The following MYPN variants were observed in gnomAD, a reference collection of about 807,000 sequenced individuals.
MYPN encodes the protein sarcomeric protein myopalladin, 145 kDa (MYOP).
A neutral mutation model predicts 129.4 loss-of-function variants in MYPN; 63 were observed. That is an observed-to-expected ratio of 0.49 (90% CI 0.40 to 0.60). The LOEUF (loss-of-function observed/expected upper bound fraction) is 0.60, where lower values mean the gene tolerates loss of function less well. Ranked by LOEUF, MYPN falls within the 20% of genes least tolerant of loss-of-function variation. The pLI is 0.00. For missense variants in MYPN, 1,596 were observed against 1,635.4 expected, an observed-to-expected ratio of 0.98 and a Z score of 0.42; for synonymous variants, 629 against 600.9, an observed-to-expected ratio of 1.05 and a Z score of -0.68.
intron 8 of MYPN, among the ~76,000 whole-genome samples, chr10:68,163,402 G>A (rs7922966): frequency 0.4 from 61,220 of 151,870 alleles, 14,168 homozygotes; most frequent in Non-Finnish European, 0.52. Flanking sequence ...CGAGGCGGGT[G>A]GATCATGAGG....
intron 8 of MYPN, chr10:68,165,469 C>T: frequency 1.7e-6 from 1 of 598,884 alleles, no homozygotes; most frequent in Non-Finnish European, 3.1e-6. Context: ...AAAAAAATCC[C>T]CTTGTCAGTA....
intron 1 of MYPN, among the ~76,000 whole-genome samples, chr10:68,089,897 G>T (rs994895977): frequency 6.6e-6 from 1 of 152,010 alleles, no homozygotes; most frequent in African/African-American, 2.4e-5. Flanking sequence ...TGATAATCTT[G>T]GATATGATCT....
Position 68,206,797 on chromosome 10 carries a change from C to T in MYPN, c.3687C>T (p.Ala1229=), listed in dbSNP as rs2043823035. 3 of 1,614,190 alleles carry T rather than the reference C, an allele frequency of 1.9e-6. No homozygotes were observed. Among genetic ancestry groups the T allele is most frequent in the Middle Eastern group, 1.6e-4 (1 of 6,062 alleles). The change falls in exon 19 of 20, where the codon GCC becomes GCT. Residue 1229 remains alanine (A), a synonymous_variant. Coordinates refer to ENST00000358913, the MANE Select transcript of MYPN (RefSeq NM_032578.4). ...ISMHQDTTGY[A]CLLIQPAKKS... ...TGCACCAGGACACAACAGGGTATGC[C>T]TGCCTTCTCATTCAGCCAGCCAAGA...
Position 68,206,902 on chromosome 10 carries a change from C to T in MYPN, c.3792C>T (p.Tyr1264=), listed in dbSNP as rs142307556. ...CGTGCACTGCCAGGCTGGATATATA[C>T]GGTAAGTGTAATGCTGTTAGTTGAA... is the stretch of plus-strand genomic sequence containing the variant. ...IVSCTARLDI[Y]AQWHHQIPPP... is the part of the protein sequence containing the mutation. Residue 1264 remains tyrosine, a splice_region_variant and synonymous_variant, in exon 19 of 20, where the codon TAC becomes TAT. Coordinates refer to ENST00000358913, the MANE Select transcript of MYPN (RefSeq NM_032578.4). The T allele has an allele frequency of 2.6e-4, 419 of 1,614,042 alleles. 2 individuals carry two copies. In the African/African-American group the frequency reaches 3.5e-3, roughly 13 times the overall value.
At chr10:68,151,847 A>G (rs1468866802) in intron 6 of MYPN, among the ~76,000 whole-genome samples, 1 of 152,212 alleles carries the variant, frequency 6.6e-6, no homozygotes, top group Non-Finnish European at 1.5e-5. Flanking sequence ...GTCTAGGAAA[A>G]GAGTCCAACT....
intron 2 of MYPN, among the ~76,000 whole-genome samples, chr10:68,131,364 G>A (rs1208716545): frequency 6.6e-6 from 1 of 151,514 alleles, no homozygotes; most frequent in Non-Finnish European, 1.5e-5. Context: ...ACTCCAGCCT[G>A]GGCAACAGAT....
Position 68,201,818 on chromosome 10 carries a change from C to T in MYPN, c.3494-11C>T. 1 of 1,613,200 alleles carries T rather than the reference C, an allele frequency of 6.2e-7. No individual in the cohort carries two copies. Among genetic ancestry groups the T allele is most frequent in the Non-Finnish European group, 8.5e-7 (1 of 1,179,470 alleles). On this transcript the variant is annotated splice_polypyrimidine_tract_variant and intron_variant, in intron 17 of 19. Transcript: ENST00000358913. ...AAGAAAGAAAAAAAGAATGACCCTT[C>T]TCTTGCTCAGCCAAAGAGGTGAAGA... is the stretch of plus-strand genomic sequence containing the variant.
At chr10:68,121,006 C>G in intron 1 of MYPN, among the ~76,000 whole-genome samples, 1 of 152,124 alleles carries the variant, frequency 6.6e-6, no homozygotes. Flanking sequence ...GGGGAGGGCA[C>G]AGTGGCTCAC....
At chr10:68,185,154 GA>G in intron 12 of MYPN, among the ~76,000 whole-genome samples, 1 of 141,198 alleles carries the variant, frequency 7.1e-6, no homozygotes, top group African/African-American at 2.5e-5. Flanking sequence ...AGGAGGGAGG[GA>G]GGGAGGGAAG....
rs540451556 is a variant in MYPN at position 68,193,628 on chromosome 10, C to CA, written c.2926-735_2926-734insA. ...ACCCAGCATGTTTGTGGCAGAGGAT[C>CA]TCTCTGCTCTACTTTCATAAACATT... On this transcript the variant is annotated intron_variant, in intron 13 of 19. Transcript: ENST00000358913. Among the ~76,000 whole-genome samples the CA allele has an allele frequency of 8.7e-4, 132 of 152,264 alleles. 1 individual carries two copies. The highest frequency in any genetic ancestry group is 2.8e-3 in the African/African-American group (116 of 41,546).
In MYPN at chr10:68,166,493, C is replaced by T. The variant is rs1164351919; in HGVS notation, c.1800C>T (p.Phe600=). Residue 600 remains phenylalanine (F), a synonymous_variant, in exon 10 of 20, where the codon TTC becomes TTT. Coordinates refer to ENST00000358913, the MANE Select transcript of MYPN (RefSeq NM_032578.4). ...CCAGGATTGGGCTTCGTGTGCACTT[C>T]AACCTGCCTGAAGATGACAAAGGAA... ...SSSRIGLRVH[F]NLPEDDKGSE... is the part of the protein sequence containing the mutation. The T allele has an allele frequency of 6.2e-7, 1 of 1,614,160 alleles. No individual in the cohort carries two copies.
chr10:68,158,652 T>C, intron 7 of MYPN, 25 bp downstream of exon 7: 1 of 1,504,186 alleles, frequency 6.6e-7, no homozygotes, highest in African/African-American at 1.4e-5. Flanking sequence ...TAAATTATTT[T>C]CTGATATTTT....
intron 6 of MYPN, among the ~76,000 whole-genome samples, chr10:68,153,995 A>T (rs948570517): frequency 6.6e-6 from 1 of 152,224 alleles, no homozygotes; most frequent in African/African-American, 2.4e-5. Context: ...GTGACAGCGA[A>T]GTACTTATCT....
chr10:68,181,905 C>T (rs553501450), intron 12 of MYPN, among the ~76,000 whole-genome samples: 9 of 151,994 alleles, frequency 5.9e-5, no homozygotes, highest in South Asian at 2.1e-4. Flanking sequence ...TAATCTCCCT[C>T]GCTAAACTTG....
chr10:68,115,626 T>C (rs1373776442), intron 1 of MYPN, among the ~76,000 whole-genome samples: 1 of 152,230 alleles, frequency 6.6e-6, no homozygotes, highest in Non-Finnish European at 1.5e-5. Flanking sequence ...TCCTTCAGTT[T>C]GATTCTTTGC....
At position 68,210,312 on chromosome 10, in the gene MYPN, C is replaced by A; in HGVS notation, c.3820C>A (p.Pro1274Thr). ...YAQWHHQIPPPMSVRPSGSRY... is the reference protein window; with the variant it reads ...YAQWHHQIPPTMSVRPSGSRY... ...TCAGTGGCACCATCAGATCCCACCG[C>A]CCATGTCTGTCCGGCCCAGTGGCAG... Residue 1274 changes from proline (P) to threonine (T), a missense_variant, in exon 20 of 20, where the codon CCC becomes ACC. By Grantham distance (38) the Pro-to-Thr change is conservative. Coordinates refer to ENST00000358913, the MANE Select transcript of MYPN (RefSeq NM_032578.4). 2 of 1,613,844 alleles carry A rather than the reference C, an allele frequency of 1.2e-6. No homozygotes were observed. The highest frequency in any genetic ancestry group is 1.7e-6 in the Non-Finnish European group (2 of 1,180,036).
chr10:68,160,163 T>G (rs898209622), intron 7 of MYPN, among the ~76,000 whole-genome samples: 4 of 151,986 alleles, frequency 2.6e-5, no homozygotes, highest in Non-Finnish European at 5.9e-5. Flanking sequence ...ATCCCAGGAC[T>G]TTGGGAGGCC....
intron 2 of MYPN, among the ~76,000 whole-genome samples, chr10:68,128,129 T>A (rs2042354387): frequency 6.6e-6 from 1 of 152,194 alleles, no homozygotes; most frequent in Non-Finnish European, 1.5e-5. Context: ...TGGACATAGC[T>A]TCATTGGAGG....
intron 10 of MYPN, among the ~76,000 whole-genome samples, chr10:68,167,913 A>G (rs2134173548): frequency 6.6e-6 from 1 of 152,266 alleles, no homozygotes; most frequent in South Asian, 2.1e-4. Flanking sequence ...AACACAACCA[A>G]ATCCTGCAGG....
Sources: gnomAD v4.1 joint callset for allele counts (sites outside exome capture counted in the v4.1 genomes callset) on GRCh38, gnomAD v4.1.1 for gene constraint, MANE v1.5 for transcripts, NCBI Gene and HGNC (gene_info 2026-07-23, HGNC 2026-07-21) for gene names.